Variants in SYN3 observed in about 807,000 individuals in gnomAD.
The protein encoded by SYN3 is synapsin-3.
SYN3 carries 35 observed loss-of-function variants against 65.8 expected under a neutral mutation model. The ratio of observed to expected loss-of-function variants is 0.53; its 90% CI spans 0.41 to 0.70. The LOEUF is 0.70. SYN3 is among the 30% of genes least tolerant of loss of function. SYN3 has a pLI of 0.00. For synonymous variants in SYN3, 270 were observed against 292.9 expected, an observed-to-expected ratio of 0.92 and a Z score of 0.80; for missense variants, 680 against 749.0, an observed-to-expected ratio of 0.91 and a Z score of 1.08.
rs2048874654 is a variant in SYN3, at chr22:32,872,473, T to C, written c.462-3348A>G. Among the ~76,000 whole-genome samples the C allele has an allele frequency of 2.0e-5, 3 of 152,232 alleles. No homozygotes were observed. The South Asian group carries it at 6.2e-4, about 32-fold the overall frequency. On this transcript the variant is annotated intron_variant, in intron 4 of 13. Transcript: ENST00000358763. ...ACAAGTAACACCACGAAGAAATTCATAACCCCAGGGAATTCAAGGTGGCCA... is the reference window on the plus strand; with the variant it reads ...ACAAGTAACACCACGAAGAAATTCACAACCCCAGGGAATTCAAGGTGGCCA...
chr22:33,001,073 C>T (rs565012128), intron 2 of SYN3, among the ~76,000 whole-genome samples: 6 of 152,322 alleles, frequency 3.9e-5, no homozygotes, highest in Admixed American at 2.6e-4. Flanking sequence ...TAGGAAGTCT[C>T]TGTCACAAAC....
chr22:32,916,960 C>T (rs535128707), intron 4 of SYN3, among the ~76,000 whole-genome samples: 24 of 152,198 alleles, frequency 1.6e-4, no homozygotes, highest in African/African-American at 5.3e-4. Flanking sequence ...GAGGAGGGGG[C>T]CCTAAGATGG....
chr22:32,818,652 C>T (rs180721019), intron 6 of SYN3, among the ~76,000 whole-genome samples: 202 of 152,288 alleles, frequency 1.3e-3, no homozygotes, highest in African/African-American at 4.6e-3. Context: ...TGTTTGTCTC[C>T]CCTCCGGCGC....
chr22:32,543,688 A>G (rs961283287), intron 7 of SYN3, among the ~76,000 whole-genome samples: 4 of 152,082 alleles, frequency 2.6e-5, no homozygotes, highest in African/African-American at 7.2e-5. Flanking sequence ...ACTTTGCTCC[A>G]GTCTGTCGTG....
chr22:33,018,531 AC>A (rs2053508609), intron 1 of SYN3, among the ~76,000 whole-genome samples: 1 of 152,210 alleles, frequency 6.6e-6, no homozygotes, highest in Non-Finnish European at 1.5e-5. Context: ...ATGAAGAAAA[AC>A]TTCACTGGGA....
At chr22:32,790,572 C>G (rs1004437198) in intron 6 of SYN3, among the ~76,000 whole-genome samples, 1 of 152,150 alleles carries the variant, frequency 6.6e-6, no homozygotes, top group East Asian at 1.9e-4. Context: ...ACTACAGGCA[C>G]GTGCTACCAA....
At chr22:32,994,246 T>C (rs2052812194) in intron 2 of SYN3, among the ~76,000 whole-genome samples, 1 of 151,890 alleles carries the variant, frequency 6.6e-6, no homozygotes, top group South Asian at 2.1e-4. Context: ...GGCGACGGGG[T>C]AGGCTGCTGA....
At chr22:32,660,130 C>T (rs948942292) in intron 6 of SYN3, among the ~76,000 whole-genome samples, 1 of 152,170 alleles carries the variant, frequency 6.6e-6, no homozygotes, top group East Asian at 1.9e-4. Context: ...CCATTACCTC[C>T]TGGATCTGCT....
chr22:32,760,593 A>T (rs543105798), intron 6 of SYN3, among the ~76,000 whole-genome samples: 3 of 152,192 alleles, frequency 2.0e-5, no homozygotes, highest in Admixed American at 2.0e-4. Flanking sequence ...CCGTGGGCAG[A>T]GCTCACATCA....
At chr22:32,895,045 G>A (rs1569309408) in intron 4 of SYN3, among the ~76,000 whole-genome samples, 1 of 152,218 alleles carries the variant, frequency 6.6e-6, no homozygotes, top group Non-Finnish European at 1.5e-5. Context: ...CATCTCAGCT[G>A]ATATGAGTGA....
intron 2 of SYN3, among the ~76,000 whole-genome samples, chr22:32,995,014 T>C (rs2052837505): frequency 6.6e-6 from 1 of 152,126 alleles, no homozygotes; most frequent in Non-Finnish European, 1.5e-5. Flanking sequence ...GTTCGGAGGT[T>C]GGATTTGCCC....
intron 6 of SYN3, among the ~76,000 whole-genome samples, chr22:32,766,123 C>T (rs752045858): frequency 6.6e-6 from 1 of 152,154 alleles, no homozygotes; most frequent in African/African-American, 2.4e-5. Flanking sequence ...TGGAGCCATA[C>T]AATTCTGCCC....
At chr22:32,682,370 C>T (rs1382081870) in intron 6 of SYN3, among the ~76,000 whole-genome samples, 2 of 152,148 alleles carry the variant, frequency 1.3e-5, no homozygotes, top group Non-Finnish European at 2.9e-5. Context: ...CATGATTTGA[C>T]TTACATTTTG....
chr22:32,711,638 C>T (rs2060967455), intron 6 of SYN3, among the ~76,000 whole-genome samples: 1 of 152,188 alleles, frequency 6.6e-6, no homozygotes, highest in Non-Finnish European at 1.5e-5. Context: ...GCCTATGCCT[C>T]TTCCTTCTTA....
At chr22:32,612,103 C>T (rs923892726) in intron 6 of SYN3, among the ~76,000 whole-genome samples, 3 of 152,168 alleles carry the variant, frequency 2.0e-5, no homozygotes, top group African/African-American at 4.8e-5. Flanking sequence ...CCTTGGGACC[C>T]TTCTGGATTT....
intron 6 of SYN3, among the ~76,000 whole-genome samples, chr22:32,610,565 TTTTTGTTTTGTTTTG>T (rs59707741): frequency 0.066 from 9,878 of 150,378 alleles, 1,066 homozygotes; most frequent in African/African-American, 0.23. Flanking sequence ...TGTATGTGTG[TTTTTGTTTTGTTTTG>T]TTTTGTTTTG....
chr22:32,792,732 C>T (rs1471293110), intron 6 of SYN3, among the ~76,000 whole-genome samples: 2 of 152,148 alleles, frequency 1.3e-5, no homozygotes, highest in Admixed American at 6.5e-5. Context: ...TCTCCCTGGT[C>T]GTCAGAGGTA....
At position 32,655,789 on chromosome 22, in the gene SYN3, G is replaced by A. The variant is rs1355132680; in HGVS notation, c.712-59053C>T. 3.3e-5 allele frequency among the ~76,000 whole-genome samples: 5 copies of A among 152,310 alleles called. No homozygotes were observed. In the East Asian group the frequency reaches 9.6e-4, roughly 29 times the overall value. On this transcript the variant is annotated intron_variant, in intron 6 of 13. Coordinates refer to ENST00000358763, the MANE Select transcript of SYN3 (RefSeq NM_003490.4). ...TAATTATTTCATTGCATATTGTGAT[G>A]TAATAATAACAGAAATAAGGTGCAC...
chr22:32,512,019 G>A lies in SYN3; in HGVS notation c.*1673C>T, dbSNP rs375485708. ...TGACCCAGTCTCCAGCCAATAGCCC[G>A]TCAAAAGCCAGCTTGAAGGCAGGCT... On this transcript the variant is annotated 3_prime_UTR_variant, in exon 14 of 14. Coordinates refer to ENST00000358763, the MANE Select transcript of SYN3 (RefSeq NM_003490.4). 1.8e-4 allele frequency among the ~76,000 whole-genome samples: 27 copies of A among 152,318 alleles called. No homozygotes were observed. The East Asian group carries it at 1.9e-3, about 11-fold the overall frequency.
Sources: gnomAD v4.1 joint callset for allele counts (sites outside exome capture counted in the v4.1 genomes callset) on GRCh38, gnomAD v4.1.1 for gene constraint, MANE v1.5 for transcripts, NCBI Gene and HGNC (gene_info 2026-07-23, HGNC 2026-07-21) for gene names.